The following LRRC4C variants were observed in gnomAD, a reference collection of about 807,000 sequenced individuals.
LRRC4C encodes leucine-rich repeat-containing protein 4C.
LRRC4C carries 5 observed loss-of-function variants against 33.6 expected under a neutral mutation model. That is an observed-to-expected ratio of 0.15 (90% CI 0.08 to 0.31). The LOEUF is 0.31. LRRC4C is among the 10% of genes least tolerant of loss of function. The probability of loss-of-function intolerance (pLI) is 1.00; values close to 1 mark genes in which losing one functional copy is unlikely to be tolerated. For missense variants in LRRC4C, 560 were observed against 796.7 expected, an observed-to-expected ratio of 0.70 and a Z score of 3.58; for synonymous variants, 329 against 302.0, an observed-to-expected ratio of 1.09 and a Z score of -0.93.
chr11:41,379,027 C>T (rs1953046222), intron 1 of LRRC4C, among the ~76,000 whole-genome samples: 1 of 150,662 alleles, frequency 6.6e-6, no homozygotes, highest in African/African-American at 2.4e-5. Flanking sequence ...TTTCTGTATA[C>T]CCCACCCTTT....
chr11:40,623,179 G>T (rs1962618092), intron 3 of LRRC4C, among the ~76,000 whole-genome samples: 1 of 151,614 alleles, frequency 6.6e-6, no homozygotes, highest in Non-Finnish European at 1.5e-5. Flanking sequence ...AAATGAGTTG[G>T]AAAAGATGAT....
intron 1 of LRRC4C, among the ~76,000 whole-genome samples, chr11:41,001,047 CAG>C (rs1285959722): frequency 2.6e-5 from 4 of 151,916 alleles, no homozygotes; most frequent in Admixed American, 6.6e-5. Context: ...ATATGAAAGA[CAG>C]AGTTATTTTA....
chr11:40,812,928 A>T (rs1222442156), intron 2 of LRRC4C, among the ~76,000 whole-genome samples: 1 of 152,236 alleles, frequency 6.6e-6, no homozygotes, highest in African/African-American at 2.4e-5. Context: ...GATTCTAGAA[A>T]AAGGGAGAGA....
chr11:41,267,482 G>T (rs1351628732), intron 1 of LRRC4C, among the ~76,000 whole-genome samples: 4 of 152,130 alleles, frequency 2.6e-5, no homozygotes, highest in Non-Finnish European at 4.4e-5. Context: ...CAGGACTGTT[G>T]CAGGTACAAT....
intron 3 of LRRC4C, among the ~76,000 whole-genome samples, chr11:40,506,946 AACAC>A (rs1955064024): frequency 6.6e-6 from 1 of 152,138 alleles, no homozygotes; most frequent in East Asian, 1.9e-4. Flanking sequence ...GAAGTATACA[AACAC>A]ACACATAAAA....
rs1030100625 is a variant in LRRC4C at position 41,091,212 on chromosome 11, TTAGA to T, written c.-495-157493_-495-157490del. ...ATTATATTATTACATAATACTATTA[TTAGA>T]TAGATAATAGAGGAAGTTTAGTGAT... On this transcript the variant is annotated intron_variant, in intron 1 of 6. Transcript: ENST00000528697. 2.6e-3 allele frequency among the ~76,000 whole-genome samples: 393 copies of T among 151,942 alleles called. 1 individual carries two copies. Among genetic ancestry groups the T allele is most frequent in the African/African-American group, 8.9e-3 (371 of 41,514 alleles).
intron 3 of LRRC4C, among the ~76,000 whole-genome samples, chr11:40,450,544 C>G (rs947397548): frequency 6.6e-6 from 1 of 151,992 alleles, no homozygotes; most frequent in Middle Eastern, 3.2e-3. Context: ...AATAAGGGAA[C>G]AGGCTTTCTG....
At chr11:41,255,058 T>G (rs930351512) in intron 1 of LRRC4C, among the ~76,000 whole-genome samples, 1 of 151,982 alleles carries the variant, frequency 6.6e-6, no homozygotes, top group African/African-American at 2.4e-5. Context: ...AAGGGTAAAA[T>G]TAACCTATGA....
At chr11:41,310,353 C>T (rs951719494) in intron 1 of LRRC4C, among the ~76,000 whole-genome samples, 8 of 152,098 alleles carry the variant, frequency 5.3e-5, no homozygotes, top group South Asian at 2.1e-4. Context: ...CAAATGTCTC[C>T]GACTCAATGT....
chr11:40,618,253 C>T (rs1363651682), intron 3 of LRRC4C, among the ~76,000 whole-genome samples: 1 of 124,692 alleles, frequency 8.0e-6, no homozygotes, highest in Non-Finnish European at 1.9e-5. Flanking sequence ...GGAGAGGACA[C>T]ACAACAGCAC....
At chr11:40,593,607 T>G (rs1346584914) in intron 3 of LRRC4C, among the ~76,000 whole-genome samples, 1 of 152,196 alleles carries the variant, frequency 6.6e-6, no homozygotes, top group Non-Finnish European at 1.5e-5. Flanking sequence ...GTTCTTGCAT[T>G]CAGCTGCTAT....
intron 1 of LRRC4C, among the ~76,000 whole-genome samples, chr11:40,947,998 T>G (rs1592159856): frequency 6.6e-6 from 1 of 152,214 alleles, no homozygotes; most frequent in East Asian, 1.9e-4. Context: ...AAGCGAGAAG[T>G]TAGAACTGAT....
intron 1 of LRRC4C, among the ~76,000 whole-genome samples, chr11:41,230,906 CAA>C (rs200070136): frequency 8.6e-5 from 9 of 104,698 alleles, no homozygotes; most frequent in African/African-American, 2.6e-4. Flanking sequence ...AACAAATTTA[CAA>C]AAAAAAAAAA....
At chr11:40,435,188 A>G (rs550744811) in intron 3 of LRRC4C, among the ~76,000 whole-genome samples, 1 of 152,340 alleles carries the variant, frequency 6.6e-6, no homozygotes, top group Admixed American at 6.5e-5. Flanking sequence ...TAATGGACCC[A>G]GTCAGGGTAA....
At chr11:40,484,579 G>GT (rs1953757651) in intron 3 of LRRC4C, among the ~76,000 whole-genome samples, 1 of 151,962 alleles carries the variant, frequency 6.6e-6, no homozygotes, top group South Asian at 2.1e-4. Context: ...AGTTGAAATA[G>GT]TAAAAACTGA....
At chr11:41,222,695 C>A (rs554076508) in intron 1 of LRRC4C, 1 of 152,114 alleles carries the variant, frequency 6.6e-6, no homozygotes, top group African/African-American at 2.4e-5. Context: ...GCTTCTGTAA[C>A]CAGGCAGCTT....
intron 5 of LRRC4C, among the ~76,000 whole-genome samples, chr11:40,190,320 GATAAA>G (rs112332627): frequency 4.6e-5 from 7 of 152,272 alleles, no homozygotes; most frequent in South Asian, 2.1e-4. Flanking sequence ...GGAGGTTACA[GATAAA>G]ATAAAATTCT....
At chr11:40,734,795 C>T (rs865968120) in intron 2 of LRRC4C, among the ~76,000 whole-genome samples, 18 of 152,074 alleles carry the variant, frequency 1.2e-4, no homozygotes, top group Admixed American at 5.2e-4. Context: ...GTCAAGGTAA[C>T]GGAATTAAGG....
chr11:40,496,910 C>T (rs769465217), intron 3 of LRRC4C, among the ~76,000 whole-genome samples: 4 of 152,122 alleles, frequency 2.6e-5, no homozygotes, highest in African/African-American at 7.2e-5. Flanking sequence ...TATATGAATG[C>T]TATGGAAAGT....
Sources: gnomAD v4.1 joint callset for allele counts (sites outside exome capture counted in the v4.1 genomes callset) on GRCh38, gnomAD v4.1.1 for gene constraint, MANE v1.5 for transcripts, NCBI Gene and HGNC (gene_info 2026-07-23, HGNC 2026-07-21) for gene names.